Variants in LYSMD1 observed in about 807,000 individuals in gnomAD.
LYSMD1 encodes LysM domain containing 1.
Under a neutral mutation model 19.3 loss-of-function variants are expected in LYSMD1, and 9 were observed. The observed-to-expected ratio is 0.47, with a 90% CI of 0.28 to 0.81. The LOEUF is 0.81. Among genes scored for constraint, LYSMD1 ranks in the 40% least tolerant of loss-of-function variants. The pLI is 0.11. For synonymous variants in LYSMD1, 111 were observed against 111.7 expected (o/e 0.99, Z 0.04); for missense variants, 262 against 279.8 (o/e 0.94, Z 0.45).
chr1:151,152,092 A>G, the LYSMD1 span, among the ~76,000 whole-genome samples: 2 of 150,416 alleles, frequency 1.3e-5, no homozygotes, highest in African/African-American at 5.0e-5. Flanking sequence ...AACAACAACA[A>G]AAAACAAAAA....
At chr1:151,153,729 T>G in the LYSMD1 span, among the ~76,000 whole-genome samples, 2 of 150,386 alleles carry the variant, frequency 1.3e-5, 1 homozygote, top group South Asian at 4.2e-4. Context: ...CTGAGGTGGG[T>G]GGATCACGAT....
intron 1 of LYSMD1, among the ~76,000 whole-genome samples, 155 bp from the exon 2 acceptor site, chr1:151,162,255 G>T (rs1262251602): frequency 6.6e-6 from 1 of 152,066 alleles, no homozygotes; most frequent in Non-Finnish European, 1.5e-5. Flanking sequence ...TAGATGAGTG[G>T]TTTTCACACT....
chr1:151,156,060 A>C (rs1683210113), downstream of LYSMD1, among the ~76,000 whole-genome samples: 1 of 131,662 alleles, frequency 7.6e-6, no homozygotes, highest in East Asian at 2.5e-4. Context: ...AGATCACCCC[A>C]TTGCACTCCA....
intron 2 of LYSMD1, 57 bp downstream of exon 2, chr1:151,161,679 G>C (rs1683462084): frequency 1.9e-6 from 3 of 1,575,236 alleles, no homozygotes; most frequent in Non-Finnish European, 8.6e-7. Context: ...GGTTAGGTAA[G>C]ACAGGAATGA....
At chr1:151,152,676 G>A in the LYSMD1 span, among the ~76,000 whole-genome samples, 1 of 152,130 alleles carries the variant, frequency 6.6e-6, no homozygotes, top group East Asian at 1.9e-4. Flanking sequence ...CTCCAGCCTG[G>A]GCGACAGTGT....
At chr1:151,161,075 T>C in intron 2 of LYSMD1, 55 bp from the exon 3 acceptor site, 4 of 1,592,372 alleles carry the variant, frequency 2.5e-6, no homozygotes, top group Non-Finnish European at 3.4e-6. Context: ...AACCTGACAA[T>C]GGGCCAAGTG....
chr1:151,165,651 G>A lies in LYSMD1; in HGVS notation c.-393C>T, dbSNP rs1262623142. On this transcript the variant is annotated 5_prime_UTR_variant, in exon 1 of 3. Transcript: ENST00000368908. ...ACATCCCAGCTCTCCCCGGTCCCGG[G>A]GTTTGTTTGCTAGAGTCAGGAACAA... The A allele has an allele frequency of 1.3e-6, 2 of 1,548,598 alleles. No homozygotes were observed. Among genetic ancestry groups the A allele is most frequent in the Non-Finnish European group, 1.7e-6 (2 of 1,146,482 alleles).
the LYSMD1 span, among the ~76,000 whole-genome samples, chr1:151,151,167 C>T: frequency 1.3e-5 from 2 of 152,060 alleles, no homozygotes; most frequent in Non-Finnish European, 2.9e-5. Flanking sequence ...AGAACAGTTA[C>T]AAAACCAACA....
At chr1:151,165,012 C>G in intron 1 of LYSMD1, 67 bp downstream of exon 1, 1 of 1,387,714 alleles carries the variant, frequency 7.2e-7, no homozygotes, top group East Asian at 2.3e-5. Context: ...CTAGAAGGGC[C>G]ACTACATTCT....
At position 151,160,815 on chromosome 1, in the gene LYSMD1, C is replaced by A; in HGVS notation, c.*67G>T. The A allele has an allele frequency of 6.4e-7, 1 of 1,555,036 alleles. No individual in the cohort carries two copies. On this transcript the variant is annotated 3_prime_UTR_variant, in exon 3 of 3. Transcript: ENST00000368908. ...CATAAGCCATGTTCTTGAGCCTCAC[C>A]TCAGGCTCCTCTCCCCCTGAAGTTT...
In LYSMD1 at chr1:151,165,303, G is replaced by C. The variant is rs1291615308; in HGVS notation, c.-45C>G. ...CTAAGGTTGCAACTAGGGGAGGTAC[G>C]ACCGAGACTGCGACTGACAGGCCTG... On this transcript the variant is annotated 5_prime_UTR_variant, in exon 1 of 3. Transcript: ENST00000368908. The C allele has an allele frequency of 2.5e-6, 4 of 1,586,008 alleles. No homozygotes were observed. The highest frequency in any genetic ancestry group is 3.4e-6 in the Non-Finnish European group (4 of 1,164,968).
At position 151,165,302 on chromosome 1, in the gene LYSMD1, C is replaced by T. The variant is rs745942132; in HGVS notation, c.-44G>A. ...GCTAAGGTTGCAACTAGGGGAGGTA[C>T]GACCGAGACTGCGACTGACAGGCCT... is the stretch of plus-strand genomic sequence containing the variant. On this transcript the variant is annotated 5_prime_UTR_variant, in exon 1 of 3. Transcript: ENST00000368908. The T allele has an allele frequency of 2.5e-6, 4 of 1,586,714 alleles. No homozygotes were observed. In the African/African-American group the frequency reaches 5.4e-5, roughly 21 times the overall value.
At chr1:151,158,787 C>T, downstream of LYSMD1, 1 of 1,614,024 alleles carries the variant, frequency 6.2e-7, no homozygotes, top group Non-Finnish European at 8.5e-7. Flanking sequence ...CTCATCTCTT[C>T]ATAGATGAGA....
the LYSMD1 span, among the ~76,000 whole-genome samples, chr1:151,154,491 A>C: frequency 6.6e-6 from 1 of 150,382 alleles, no homozygotes; most frequent in Non-Finnish European, 1.5e-5. Context: ...AAAAAAAAAG[A>C]AAGAAAGAGA....
At chr1:151,155,545 C>T (rs1363581208), downstream of LYSMD1, among the ~76,000 whole-genome samples, 4 of 151,906 alleles carry the variant, frequency 2.6e-5, no homozygotes, top group East Asian at 5.8e-4. Context: ...GCCTGGGCAA[C>T]ATAGTTAGAC....
Position 151,160,377 on chromosome 1 carries a change from A to C in LYSMD1, c.*505T>G, listed in dbSNP as rs1683398411. The C allele has an allele frequency of 2.6e-5, 4 of 152,890 alleles. No individual in the cohort carries two copies. The Admixed American group carries it at 2.6e-4, about 10-fold the overall frequency. 9.5% of individuals were successfully genotyped at this position (152,890 alleles called of 1,614,324 possible). On this transcript the variant is annotated 3_prime_UTR_variant, in exon 3 of 3. Coordinates refer to ENST00000368908, the MANE Select transcript of LYSMD1 (RefSeq NM_212551.5). ...AACATGTTTGGCTAACAAGGTGGGGAAAGTGGAGAACCAGCAGTCACTGGC... is the reference window on the plus strand; with the variant it reads ...AACATGTTTGGCTAACAAGGTGGGGCAAGTGGAGAACCAGCAGTCACTGGC...
downstream of LYSMD1, chr1:151,159,580 A>T: frequency 3.4e-6 from 1 of 296,742 alleles, no homozygotes; most frequent in Non-Finnish European, 6.9e-6. Flanking sequence ...GAACCAAGGA[A>T]AGGAGGCACA....
downstream of LYSMD1, among the ~76,000 whole-genome samples, chr1:151,156,133 C>T (rs587735299): frequency 7.5e-5 from 10 of 132,702 alleles, no homozygotes; most frequent in South Asian, 2.3e-3. Context: ...AAAAAGGCAA[C>T]TCAGTAGGCT....
intron 1 of LYSMD1, among the ~76,000 whole-genome samples, chr1:151,162,457 A>C (rs2101690188): frequency 6.6e-6 from 1 of 152,206 alleles, no homozygotes; most frequent in East Asian, 1.9e-4. Flanking sequence ...TAAATGAATA[A>C]ATAAATTAAT....
Sources: allele counts gnomAD v4.1 joint callset (sites outside exome capture counted in the v4.1 genomes callset), GRCh38; gene constraint gnomAD v4.1.1; transcripts MANE v1.5; gene names NCBI Gene and HGNC (gene_info 2026-07-23, HGNC 2026-07-21).